SORCS1: variants seen among roughly 807,000 people sequenced by gnomAD.
The protein encoded by SORCS1 is VPS10 domain-containing receptor SorCS1.
Under a neutral mutation model 146.1 loss-of-function variants are expected in SORCS1, and 60 were observed. That is an observed-to-expected ratio of 0.41 (90% CI 0.33 to 0.51). SORCS1 has a LOEUF of 0.51. Among genes scored for constraint, SORCS1 ranks in the 20% least tolerant of loss-of-function variants. SORCS1 has a pLI of 0.21. For missense variants in SORCS1, 1,352 were observed against 1,487.6 expected (o/e 0.91, Z 1.50); for synonymous variants, 637 against 584.0 (o/e 1.09, Z -1.31).
chr10:106,955,242 G>T (rs189184205), intron 2 of SORCS1, among the ~76,000 whole-genome samples: 151 of 152,350 alleles, frequency 9.9e-4, no homozygotes, highest in African/African-American at 3.6e-3. Context: ...ATGATTGCTG[G>T]TGTCCCCGAG....
intron 2 of SORCS1, among the ~76,000 whole-genome samples, chr10:106,932,885 A>T (rs917961381): frequency 1.3e-5 from 2 of 152,220 alleles, no homozygotes; most frequent in African/African-American, 2.4e-5. Flanking sequence ...ATGATTATCA[A>T]TAGCTGTGAT....
intron 23 of SORCS1, among the ~76,000 whole-genome samples, chr10:106,602,455 A>G (rs1441508220): frequency 6.6e-6 from 1 of 151,988 alleles, no homozygotes; most frequent in East Asian, 1.9e-4. Flanking sequence ...ATGACAGGGA[A>G]GCAATGGAGC....
At chr10:106,637,747 T>C (rs1210585430) in intron 18 of SORCS1, among the ~76,000 whole-genome samples, 2 of 152,220 alleles carry the variant, frequency 1.3e-5, no homozygotes, top group Non-Finnish European at 1.5e-5. Context: ...GGCTGTTTTT[T>C]CAGGCCCTTC....
intron 2 of SORCS1, among the ~76,000 whole-genome samples, chr10:106,873,111 T>C (rs952736525): frequency 2.6e-5 from 4 of 151,828 alleles, no homozygotes; most frequent in Admixed American, 6.6e-5. Flanking sequence ...GAGGCAGAGG[T>C]TGCAATGAGC....
chr10:107,156,054 C>T (rs186121115), intron 1 of SORCS1, among the ~76,000 whole-genome samples: 186 of 152,100 alleles, frequency 1.2e-3, no homozygotes, highest in African/African-American at 4.0e-3. Flanking sequence ...CATCATGGAG[C>T]GGGTTATTGC....
At chr10:106,819,065 G>A (rs547004557) in intron 3 of SORCS1, among the ~76,000 whole-genome samples, 14 of 152,266 alleles carry the variant, frequency 9.2e-5, no homozygotes, top group African/African-American at 3.4e-4. Context: ...ATACCTTCTG[G>A]TTGAGTTGAC....
chr10:106,820,250 C>T (rs903633580), intron 3 of SORCS1, among the ~76,000 whole-genome samples: 1 of 152,210 alleles, frequency 6.6e-6, no homozygotes, highest in African/African-American at 2.4e-5. Flanking sequence ...TTTTCTCTCC[C>T]AGCTGTTATA....
At chr10:106,859,320 T>G (rs1016613776) in intron 2 of SORCS1, among the ~76,000 whole-genome samples, 5 of 152,214 alleles carry the variant, frequency 3.3e-5, no homozygotes, top group South Asian at 4.1e-4. Context: ...AAGGCAGGGA[T>G]AGACAATAAT....
Position 106,678,193 on chromosome 10 carries a change from G to A in SORCS1, c.1741-789C>T, listed in dbSNP as rs539585035. 2.0e-3 allele frequency among the ~76,000 whole-genome samples: 311 copies of A among 152,252 alleles called. 5 individuals are homozygous for A. In the South Asian group the frequency reaches 0.032, roughly 16 times the overall value. ...TTTGTTTATTTCTTATACCCAAGAT[G>A]CAACCCAAGACTATAGAAGTAAAGA... On this transcript the variant is annotated intron_variant, in intron 12 of 25. Transcript: ENST00000263054.
intron 6 of SORCS1, among the ~76,000 whole-genome samples, chr10:106,726,996 G>A (rs1856245851): frequency 6.6e-6 from 1 of 151,710 alleles, no homozygotes; most frequent in South Asian, 2.1e-4. Flanking sequence ...TGAGGCAGGA[G>A]AATGGCCTGA....
At chr10:107,135,223 T>C (rs2037532115) in intron 1 of SORCS1, among the ~76,000 whole-genome samples, 1 of 152,210 alleles carries the variant, frequency 6.6e-6, no homozygotes, top group Non-Finnish European at 1.5e-5. Flanking sequence ...GGAAAATTAT[T>C]TGCATTATTC....
Position 106,611,981 on chromosome 10 carries a change from T to C in SORCS1, c.2963A>G (p.Asp988Gly), listed in dbSNP as rs770171685. ...CTCAGGGATGTCCGGGTTGTAGTCA[T>C]CCAGGTTTGGAGAAAAGGACAAGCG... is the stretch of plus-strand genomic sequence containing the variant. ...SLRLSFSPNL[D>G]DYNPDIPEWR... The change falls in exon 22 of 26, where the codon GAT becomes GGT. Residue 988 changes from aspartate (D) to glycine (G), a missense_variant. This residue lies in a region of SORCS1 where 648 missense variants were observed against 793.8 expected (regional missense o/e 0.82). Transcript: ENST00000263054. 2 of 1,614,124 alleles carry C rather than the reference T, an allele frequency of 1.2e-6. No homozygotes were observed. The highest frequency in any genetic ancestry group is 1.7e-6 in the Non-Finnish European group (2 of 1,180,000).
intron 3 of SORCS1, among the ~76,000 whole-genome samples, chr10:106,822,206 G>A (rs1224401962): frequency 3.9e-5 from 6 of 152,156 alleles, no homozygotes; most frequent in African/African-American, 1.4e-4. Context: ...TAAAATTTAA[G>A]AGTGTAGTTT....
chr10:106,609,304 C>G (rs894412745), intron 22 of SORCS1, among the ~76,000 whole-genome samples: 1 of 152,160 alleles, frequency 6.6e-6, no homozygotes, highest in African/African-American at 2.4e-5. Flanking sequence ...CTTCATTGTA[C>G]ACAAAAATGT....
intron 1 of SORCS1, among the ~76,000 whole-genome samples, chr10:107,010,690 TG>T (rs11315766): frequency 0.42 from 63,694 of 151,998 alleles, 15,642 homozygotes; most frequent in African/African-American, 0.69. Flanking sequence ...GTGGGGCCTG[TG>T]GGTCATTTTG....
chr10:106,716,282 CCTG>C (rs1215302812), intron 6 of SORCS1, among the ~76,000 whole-genome samples: 1 of 152,158 alleles, frequency 6.6e-6, no homozygotes, highest in Non-Finnish European at 1.5e-5. Context: ...GTTCCGTCTT[CCTG>C]TTGGAGCTAT....
upstream of SORCS1, among the ~76,000 whole-genome samples, chr10:107,168,612 T>C (rs7096467): frequency 0.23 from 34,481 of 151,004 alleles, 4,017 homozygotes; most frequent in African/African-American, 0.28. Flanking sequence ...GTAAATCAGA[T>C]ATATACTCTA....
intron 3 of SORCS1, among the ~76,000 whole-genome samples, chr10:106,810,202 C>T (rs1384073838): frequency 6.6e-6 from 1 of 151,868 alleles, no homozygotes; most frequent in Non-Finnish European, 1.5e-5. Context: ...GCCTGGGTGA[C>T]ACAGTGAGAC....
intron 3 of SORCS1, among the ~76,000 whole-genome samples, chr10:106,824,600 A>T (rs901826446): frequency 3.3e-5 from 5 of 152,026 alleles, no homozygotes; most frequent in Non-Finnish European, 4.4e-5. Context: ...AAAAAAAAAA[A>T]AAAAAGTCAC....
Sources: gnomAD v4.1 joint callset for allele counts (sites outside exome capture counted in the v4.1 genomes callset) on GRCh38, gnomAD v4.1.1 for gene constraint, gnomAD v4.1.1 regional missense constraint, MANE v1.5 for transcripts, NCBI Gene and HGNC (gene_info 2026-07-23, HGNC 2026-07-21) for gene names.